Variants in SUSD5 observed in about 807,000 individuals in gnomAD.
The protein encoded by SUSD5 is sushi domain-containing protein 5.
In SUSD5, 33 loss-of-function variants were observed where a neutral mutation model predicts 29.5. That is an observed-to-expected ratio of 1.12 (90% CI 0.85 to 1.49). The LOEUF (loss-of-function observed/expected upper bound fraction) is 1.49, where lower values mean the gene tolerates loss of function less well. Ranked by LOEUF, SUSD5 falls within the 40% of genes most tolerant of loss-of-function variation. The pLI is 0.00. For synonymous variants in SUSD5, 308 were observed against 325.3 expected (o/e 0.95, Z 0.57); for missense variants, 776 against 800.6 (o/e 0.97, Z 0.37).
intron 3 of SUSD5, among the ~76,000 whole-genome samples, chr3:33,197,994 T>C (rs926856099): frequency 6.6e-6 from 1 of 152,214 alleles, no homozygotes; most frequent in Non-Finnish European, 1.5e-5. Context: ...TGGAATTACT[T>C]GGTTGTACGC....
At chr3:33,209,771 C>CCAAGTAGCTGGGACTATAGGCATGCA (rs2032289158) in intron 2 of SUSD5, among the ~76,000 whole-genome samples, 1 of 152,028 alleles carries the variant, frequency 6.6e-6, no homozygotes, top group Non-Finnish European at 1.5e-5. Context: ...CCTCAGCCTC[C>CCAAGTAGCTGGGACTATAGGCATGCA]CAAGTAGCTG....
intron 4 of SUSD5, among the ~76,000 whole-genome samples, chr3:33,171,484 T>C (rs2031427337): frequency 6.6e-6 from 1 of 152,168 alleles, no homozygotes; most frequent in Non-Finnish European, 1.5e-5. Context: ...AAAGCATCTT[T>C]AAAAGAAATC....
intron 4 of SUSD5, among the ~76,000 whole-genome samples, chr3:33,163,722 G>A (rs1485685208): frequency 6.6e-6 from 1 of 152,208 alleles, no homozygotes; most frequent in African/African-American, 2.4e-5. Context: ...AAATGGCCGG[G>A]TGCGGTGGCT....
At position 33,189,938 on chromosome 3, in the gene SUSD5, A is replaced by G. The variant is rs185654933; in HGVS notation, c.410-14864T>C. Among the ~76,000 whole-genome samples the G allele has an allele frequency of 6.2e-4, 94 of 152,336 alleles. 1 individual carries two copies. In the East Asian group the frequency reaches 0.016, roughly 26 times the overall value. On this transcript the variant is annotated intron_variant, in intron 3 of 4. Coordinates refer to ENST00000309558, the MANE Select transcript of SUSD5 (RefSeq NM_015551.2). ...CCAATCTCCAATAGATTTTAAGATG[A>G]CATTCACCATCTTTGCGAAAAGTTG...
Position 33,153,657 on chromosome 3 carries a change from A to G in SUSD5, c.975T>C (p.Ser325=), listed in dbSNP as rs775997469. The change falls in exon 5 of 5, where the codon AGT becomes AGC. Residue 325 remains serine, a synonymous_variant. Transcript: ENST00000309558. ...GTTCACCTGGGACCAATTTTACACC[A>G]CTGTGGTTGTCTCCAGCAGAAAACT... is the stretch of plus-strand genomic sequence containing the variant. The part of the protein sequence containing the change: ...KKQFSAGDNH[S]GVKLVPGEPE... 6.2e-7 allele frequency: 1 copy of G among 1,613,754 alleles called. No homozygotes were observed. Among genetic ancestry groups the G allele is most frequent in the Non-Finnish European group, 8.5e-7 (1 of 1,179,820 alleles).
In SUSD5 at chr3:33,179,082, G is replaced by T. The variant is rs533067343; in HGVS notation, c.410-4008C>A. Among the ~76,000 whole-genome samples, 7 of 152,296 alleles carry T rather than the reference G, an allele frequency of 4.6e-5. No homozygotes were observed. In the East Asian group the frequency reaches 1.3e-3, roughly 29 times the overall value. ...TCTGGGCTTGTGCTTTCTTTGGAAG[G>T]TAATTAGTTATTGATTCAATTTATT... On this transcript the variant is annotated intron_variant, in intron 3 of 4. Coordinates refer to ENST00000309558, the MANE Select transcript of SUSD5 (RefSeq NM_015551.2).
At chr3:33,205,966 A>G (rs1252761216) in intron 3 of SUSD5, among the ~76,000 whole-genome samples, 1 of 152,248 alleles carries the variant, frequency 6.6e-6, no homozygotes, top group Non-Finnish European at 1.5e-5. Flanking sequence ...TAAGACTCAG[A>G]AGCCCTACAT....
Position 33,204,070 on chromosome 3 carries a change from T to C in SUSD5, c.409+3738A>G, listed in dbSNP as rs2032168637. Among the ~76,000 whole-genome samples the C allele has an allele frequency of 6.6e-6, 1 of 151,864 alleles. No homozygotes were observed. On this transcript the variant is annotated intron_variant, in intron 3 of 4. Coordinates refer to ENST00000309558, the MANE Select transcript of SUSD5 (RefSeq NM_015551.2). This position sits in a 1 kb window ranked among gnomAD's most constrained non-coding sequence, Gnocchi z 4.5. Reference sequence around the variant, plus strand: ...GCTGGGAATACAGGGTGCGCCACCATGCCTGGCTAATTTTTTTTATTTTTT... The same window carrying C: ...GCTGGGAATACAGGGTGCGCCACCACGCCTGGCTAATTTTTTTTATTTTTT...
intron 3 of SUSD5, among the ~76,000 whole-genome samples, chr3:33,207,540 A>G (rs751113572): frequency 3.9e-5 from 6 of 152,268 alleles, no homozygotes; most frequent in East Asian, 1.9e-4. Context: ...TACATACACT[A>G]TCTCCAGGGG....
At chr3:33,174,828 G>A (rs2031509677) in intron 4 of SUSD5, 58 bp downstream of exon 4, 2 of 1,587,008 alleles carry the variant, frequency 1.3e-6, no homozygotes, top group Non-Finnish European at 1.7e-6. Context: ...AGCAGCAGTG[G>A]AGCCCTCAGC....
chr3:33,163,286 A>G (rs1272842067), intron 4 of SUSD5, among the ~76,000 whole-genome samples: 13 of 152,178 alleles, frequency 8.5e-5, no homozygotes, highest in Non-Finnish European at 1.9e-4. Context: ...AAAGTCCCAT[A>G]TAAAATGTTG....
intron 3 of SUSD5, among the ~76,000 whole-genome samples, chr3:33,201,571 T>A (rs1559455421): frequency 6.6e-6 from 1 of 152,170 alleles, no homozygotes; most frequent in African/African-American, 2.4e-5. Context: ...AGCCCACATT[T>A]TTGGAGCAGA....
At chr3:33,192,996 G>C (rs1286672798) in intron 3 of SUSD5, among the ~76,000 whole-genome samples, 1 of 97,620 alleles carries the variant, frequency 1.0e-5, no homozygotes, top group Non-Finnish European at 2.2e-5. Flanking sequence ...TTGCACTGAA[G>C]TACTTGTCTG....
intron 2 of SUSD5, among the ~76,000 whole-genome samples, chr3:33,209,136 A>G (rs2032275982): frequency 6.6e-6 from 1 of 152,202 alleles, no homozygotes; most frequent in Non-Finnish European, 1.5e-5. Flanking sequence ...AAATATCAAA[A>G]GTCTTTGGGC....
At position 33,167,235 on chromosome 3, in the gene SUSD5, TG is replaced by T. The variant is rs1039677277; in HGVS notation, c.598+7650del. Among the ~76,000 whole-genome samples, 6 of 151,780 alleles carry T rather than the reference TG, an allele frequency of 4.0e-5. No homozygotes were observed. Among genetic ancestry groups the T allele is most frequent in the African/African-American group, 1.5e-4 (6 of 41,378 alleles). On this transcript the variant is annotated intron_variant, in intron 4 of 4. Transcript: ENST00000309558. This position sits in a 1 kb window ranked among gnomAD's most constrained non-coding sequence, Gnocchi z 4.1. ...ATAAAACATAAAGTCAAAAGGCACC[TG>T]GAACACAGGCAGAAGATGAGTATGT...
At chr3:33,189,501 A>T (rs2031848051) in intron 3 of SUSD5, among the ~76,000 whole-genome samples, 1 of 145,300 alleles carries the variant, frequency 6.9e-6, no homozygotes, top group Non-Finnish European at 1.5e-5. Flanking sequence ...AAAAAAAAAA[A>T]AATTCTAGAA....
rs1261592687 is a variant in SUSD5, at chr3:33,152,865, C to T, written c.1767G>A (p.Leu589=). 6.2e-7 allele frequency: 1 copy of T among 1,614,012 alleles called. No homozygotes were observed. Among genetic ancestry groups the T allele is most frequent in the South Asian group, 1.1e-5 (1 of 91,086 alleles). ...IVTVLCLLLL[L]AGVGMVWGYR... ...AGCCCCACACCATCCCCACACCTGC[C>T]AGGAGCAGCAGTAGGCACAGGACGG... The change falls in exon 5 of 5, where the codon CTG becomes CTA. Residue 589 remains leucine (L), a synonymous_variant. Coordinates refer to ENST00000309558, the MANE Select transcript of SUSD5 (RefSeq NM_015551.2).
At chr3:33,184,837 C>T (rs911507939) in intron 3 of SUSD5, among the ~76,000 whole-genome samples, 1 of 152,194 alleles carries the variant, frequency 6.6e-6, no homozygotes, top group African/African-American at 2.4e-5. Context: ...ATGCCCTGAG[C>T]ATAGTTATCA....
At chr3:33,189,341 G>A (rs2031843090) in intron 3 of SUSD5, among the ~76,000 whole-genome samples, 1 of 152,092 alleles carries the variant, frequency 6.6e-6, no homozygotes, top group African/African-American at 2.4e-5. Flanking sequence ...ACCTGGATGT[G>A]GCGGCGCACG....
Sources: gnomAD v4.1 joint callset for allele counts (sites outside exome capture counted in the v4.1 genomes callset) on GRCh38, gnomAD v4.1.1 for gene constraint, Gnocchi (gnomAD v3.1) non-coding constraint, MANE v1.5 for transcripts, NCBI Gene and HGNC (gene_info 2026-07-23, HGNC 2026-07-21) for gene names.